Variants in RBM26 observed in about 807,000 individuals in gnomAD.
RBM26 encodes the protein RNA binding motif protein 26, also known as RNA-binding protein 26.
Under a neutral mutation model 123.6 loss-of-function variants are expected in RBM26, and 30 were observed. The ratio of observed to expected loss-of-function variants is 0.24; its 90% CI spans 0.18 to 0.33. The LOEUF is 0.33. RBM26 is among the 10% of genes least tolerant of loss of function. The pLI, the probability that RBM26 is intolerant of heterozygous loss-of-function variation, is 1.00. For missense variants in RBM26, 947 were observed against 1,203.6 expected, an observed-to-expected ratio of 0.79 and a Z score of 3.15; for synonymous variants, 400 against 404.4, an observed-to-expected ratio of 0.99 and a Z score of 0.13.
At chr13:79,405,175 G>C (rs2079421284) in intron 1 of RBM26, among the ~76,000 whole-genome samples, 1 of 152,200 alleles carries the variant, frequency 6.6e-6, no homozygotes, top group Non-Finnish European at 1.5e-5. Flanking sequence ...ACGCGTAGGC[G>C]GGAAAGGGGA....
At chr13:79,356,691 T>C (rs966504076) in intron 11 of RBM26, among the ~76,000 whole-genome samples, 3 of 152,204 alleles carry the variant, frequency 2.0e-5, no homozygotes, top group African/African-American at 7.2e-5. Context: ...CTATGTTTAA[T>C]TAGCATGAAG....
intron 6 of RBM26, among the ~76,000 whole-genome samples, chr13:79,368,031 T>TTA (rs1408228664): frequency 1.2e-4 from 11 of 89,300 alleles, no homozygotes; most frequent in African/African-American, 4.6e-4. Flanking sequence ...ATTTTTTTAT[T>TTA]TTTATTTTTT....
chr13:79,357,619 A>T (rs889527662), intron 11 of RBM26, among the ~76,000 whole-genome samples: 1 of 152,162 alleles, frequency 6.6e-6, no homozygotes, highest in African/African-American at 2.4e-5. Context: ...GGGCCCCAAA[A>T]GTCTCTATTA....
At chr13:79,387,078 C>T (rs2077559554) in intron 1 of RBM26, among the ~76,000 whole-genome samples, 2 of 152,046 alleles carry the variant, frequency 1.3e-5, no homozygotes, top group African/African-American at 4.8e-5. Flanking sequence ...ACAGTCATGC[C>T]AAAATTTATC....
At chr13:79,373,769 T>G in intron 3 of RBM26, among the ~76,000 whole-genome samples, 1 of 138,066 alleles carries the variant, frequency 7.2e-6, no homozygotes, top group South Asian at 2.2e-4. Context: ...GAAAACAATA[T>G]ATAAGGTGAA....
intron 18 of RBM26, among the ~76,000 whole-genome samples, chr13:79,339,471 T>C (rs1566355146): frequency 1.3e-5 from 2 of 152,156 alleles, no homozygotes; most frequent in Non-Finnish European, 2.9e-5. Flanking sequence ...CATGTTAGCT[T>C]GACGTAATCA....
At chr13:79,402,493 T>C (rs916695322) in intron 1 of RBM26, among the ~76,000 whole-genome samples, 1 of 151,380 alleles carries the variant, frequency 6.6e-6, no homozygotes, top group Non-Finnish European at 1.5e-5. Flanking sequence ...AACCCTTCAC[T>C]GGCTTCCCAC....
intron 20 of RBM26, among the ~76,000 whole-genome samples, chr13:79,322,718 T>C (rs113795023): frequency 2.0e-5 from 3 of 151,490 alleles, no homozygotes; most frequent in Non-Finnish European, 4.4e-5. Flanking sequence ...TAATTTCTCA[T>C]AATAAAATAT....
intron 9 of RBM26, 89 bp downstream of exon 9, chr13:79,365,489 C>T (rs2075166009): frequency 2.0e-6 from 2 of 1,021,400 alleles, no homozygotes; most frequent in African/African-American, 3.2e-5. Flanking sequence ...TATCCAACCC[C>T]AATAAAGGCA....
chr13:79,368,922 C>T lies in RBM26; in HGVS notation c.703G>A (p.Val235Ile), dbSNP rs1388544340. The change falls in exon 6 of 22, where the codon GTC (valine) becomes ATC (isoleucine). Residue 235 changes from valine (V) to isoleucine (I), a missense_variant. Val to Ile is a conservative substitution (Grantham distance 29). This residue lies in a region of RBM26 where 275 missense variants were observed against 361.0 expected (regional missense o/e 0.76). Coordinates refer to ENST00000438737, the MANE Select transcript of RBM26 (RefSeq NM_001366735.2). The part of the protein sequence containing the change: ...TDPLENNYTP[V>I]SSVPSISSGH... ...GATGAAATACTAGGTACCGAAGAGA[C>T]TGGAGTATAATTATTTTCTAATGGA... 6.2e-7 allele frequency: 1 copy of T among 1,610,714 alleles called. No individual in the cohort carries two copies. The highest frequency in any genetic ancestry group is 1.3e-5 in the African/African-American group (1 of 74,726).
At chr13:79,372,624 T>A (rs1440855691) in intron 3 of RBM26, among the ~76,000 whole-genome samples, 1 of 148,756 alleles carries the variant, frequency 6.7e-6, no homozygotes, top group Non-Finnish European at 1.5e-5. Context: ...ACCAAACACA[T>A]CAAGGAATAT....
intron 11 of RBM26, among the ~76,000 whole-genome samples, chr13:79,356,369 C>A (rs77153746): frequency 1.7e-3 from 144 of 83,472 alleles, no homozygotes; most frequent in East Asian, 3.2e-3. Flanking sequence ...GACTCTGTCT[C>A]AAAAAAAAAA....
chr13:79,373,519 AT>A (rs1243574236), intron 3 of RBM26, among the ~76,000 whole-genome samples: 1 of 25,264 alleles, frequency 4.0e-5, no homozygotes, highest in African/African-American at 2.0e-4. Flanking sequence ...ATTTATATAT[AT>A]TACTATATAT....
At chr13:79,345,662 G>A (rs1168374374) in intron 14 of RBM26, among the ~76,000 whole-genome samples, 1 of 152,094 alleles carries the variant, frequency 6.6e-6, no homozygotes, top group African/African-American at 2.4e-5. Flanking sequence ...ACATGATGGT[G>A]TCTAAAGTCC....
chr13:79,312,571 T>C (rs1474188776), exon 5 of RBM26: 1 of 152,012 alleles, frequency 6.6e-6, no homozygotes, highest in Non-Finnish European at 1.5e-5. Context: ...ATTACATATT[T>C]TAGTATTAGA....
intron 18 of RBM26, among the ~76,000 whole-genome samples, chr13:79,338,252 T>C (rs2070792576): frequency 6.6e-6 from 1 of 152,168 alleles, no homozygotes. Flanking sequence ...ACTATATTAA[T>C]GAGAAGTGAC....
At position 79,377,571 on chromosome 13, in the gene RBM26, C is replaced by T. The variant is rs577177644; in HGVS notation, c.191-56G>A. 5.4e-6 allele frequency: 7 copies of T among 1,292,786 alleles called. No individual in the cohort carries two copies. In the African/African-American group the frequency reaches 5.9e-5, roughly 11 times the overall value. The allele number at this position is 1,292,786 out of a possible 1,614,324, so 80.1% of individuals were successfully genotyped here. A position where few individuals can be genotyped will look rare whatever the true frequency, so the allele number is the denominator to read the frequency against. The stretch of plus-strand genomic sequence containing the variant: ...AACACATTTGTTAAGATTAATTCCC[C>T]GCTTCCACATCTCTTATCTCTAATA... On this transcript the variant is annotated intron_variant, in intron 2 of 21. Transcript: ENST00000438737.
intron 17 of RBM26, 76 bp from the exon 18 acceptor site, chr13:79,341,303 T>C: frequency 1.1e-6 from 1 of 878,332 alleles, no homozygotes; most frequent in South Asian, 1.7e-5. Flanking sequence ...TAAAGTAACT[T>C]TTACGCAGTC....
chr13:79,353,058 C>A, intron 14 of RBM26, 95 bp downstream of exon 14: 2 of 634,584 alleles, frequency 3.2e-6, no homozygotes, highest in Non-Finnish European at 5.2e-6. Flanking sequence ...TATTAAGAAG[C>A]AAGAGTTTAG....
Sources: allele counts gnomAD v4.1 joint callset (sites outside exome capture counted in the v4.1 genomes callset), GRCh38; gene constraint gnomAD v4.1.1; regional missense constraint gnomAD v4.1.1; transcripts MANE v1.5; gene names NCBI Gene and HGNC (gene_info 2026-07-23, HGNC 2026-07-21).